RYR2: variants seen among roughly 807,000 people sequenced by gnomAD.
RYR2 encodes cardiac muscle ryanodine receptor-calcium release channel.
RYR2 carries 227 observed loss-of-function variants against 601.1 expected under a neutral mutation model. That is an observed-to-expected ratio of 0.38 (90% CI 0.34 to 0.42). The LOEUF (loss-of-function observed/expected upper bound fraction) is 0.42, where lower values mean the gene tolerates loss of function less well. Ranked by LOEUF, RYR2 falls within the 10% of genes least tolerant of loss-of-function variation. The pLI, the probability that RYR2 is intolerant of heterozygous loss-of-function variation, is 1.00. For synonymous variants in RYR2, 2,223 were observed against 2,175.1 expected, an observed-to-expected ratio of 1.02 and a Z score of -0.61; for missense variants, 4,646 against 6,156.5, an observed-to-expected ratio of 0.75 and a Z score of 8.21.
chr1:237,149,644 C>A (rs966096790), intron 1 of RYR2, among the ~76,000 whole-genome samples: 2 of 151,332 alleles, frequency 1.3e-5, no homozygotes, highest in Non-Finnish European at 2.9e-5. Flanking sequence ...GATGAAGTTT[C>A]CCTCCCACAC....
At chr1:237,580,138 G>A (rs1026261759) in intron 29 of RYR2, among the ~76,000 whole-genome samples, 6 of 146,934 alleles carry the variant, frequency 4.1e-5, no homozygotes, top group African/African-American at 1.5e-4. Context: ...CCAGAGCCAC[G>A]TGAAATCACA....
At chr1:237,469,223 C>A in intron 17 of RYR2, 36 bp downstream of exon 17, 2 of 750,260 alleles carry the variant, frequency 2.7e-6, no homozygotes, top group African/African-American at 1.9e-5. Flanking sequence ...TGTGATAGAT[C>A]ACTCCTATTT....
chr1:237,687,987 C>T (rs548849222), intron 63 of RYR2, among the ~76,000 whole-genome samples: 1 of 152,286 alleles, frequency 6.6e-6, no homozygotes, highest in East Asian at 1.9e-4. Context: ...CAAGGAGCTT[C>T]GGAGCTTCAC....
intron 25 of RYR2, among the ~76,000 whole-genome samples, chr1:237,540,205 G>A (rs1669104256): frequency 6.6e-6 from 1 of 151,782 alleles, no homozygotes; most frequent in Non-Finnish European, 1.5e-5. Context: ...ATACGCAACT[G>A]AAAAACAATC....
chr1:237,584,677 A>G lies in RYR2; in HGVS notation c.3599-5116A>G, dbSNP rs1238042626. 1.1e-3 allele frequency among the ~76,000 whole-genome samples: 7 copies of G among 6,216 alleles called. No homozygotes were observed. The East Asian group carries it at 0.027, about 24-fold the overall frequency. 4.1% of individuals were successfully genotyped at this position (6,216 alleles called of 152,430 possible). On this transcript the variant is annotated intron_variant, in intron 29 of 104. Coordinates refer to ENST00000366574, the MANE Select transcript of RYR2 (RefSeq NM_001035.3). ...TTTTTTTTTTTTTTTTTTTTTTGAGACAGGGTCTCGCCTTGCTCTGTCACC... is the reference window on the plus strand; with the variant it reads ...TTTTTTTTTTTTTTTTTTTTTTGAGGCAGGGTCTCGCCTTGCTCTGTCACC...
intron 24 of RYR2, among the ~76,000 whole-genome samples, chr1:237,523,748 A>C (rs927845141): frequency 6.8e-6 from 1 of 147,496 alleles, no homozygotes; most frequent in Non-Finnish European, 1.5e-5. Flanking sequence ...AAAAAAAAAA[A>C]GGCAAAAATT....
chr1:237,801,541 C>CA lies in RYR2; in HGVS notation c.14091-299dup, dbSNP rs113741938. ...TGGGTGAATGAGTGCAACTCTGTCTCAAAAAAAAAAAAAAAATGTTAATAC... is the reference window on the plus strand; with the variant it reads ...TGGGTGAATGAGTGCAACTCTGTCTCAAAAAAAAAAAAAAAAATGTTAATAC... On this transcript the variant is annotated intron_variant, in intron 97 of 104. Transcript: ENST00000366574. 8.3e-3 allele frequency among the ~76,000 whole-genome samples: 878 copies of CA among 106,356 alleles called. 11 individuals carry two copies. The highest frequency in any genetic ancestry group is 0.016 in the African/African-American group (450 of 28,408). The allele number at this position is 106,356 out of a possible 152,430, so 69.8% of individuals were successfully genotyped here.
intron 58 of RYR2, among the ~76,000 whole-genome samples, chr1:237,669,083 C>T (rs547961289): frequency 3.4e-5 from 5 of 148,852 alleles, no homozygotes; most frequent in South Asian, 2.2e-4. Context: ...TGACTCTTAA[C>T]GAGCATGCTG....
At chr1:237,260,908 A>G (rs1404401027) in intron 1 of RYR2, among the ~76,000 whole-genome samples, 2 of 152,208 alleles carry the variant, frequency 1.3e-5, no homozygotes, top group African/African-American at 4.8e-5. Flanking sequence ...CTAGCATGCA[A>G]ACTGAGGACT....
intron 5 of RYR2, among the ~76,000 whole-genome samples, chr1:237,369,033 A>G (rs1040901279): frequency 1.3e-5 from 2 of 151,964 alleles, no homozygotes; most frequent in Admixed American, 6.6e-5. Context: ...CATGTTGGCC[A>G]GGTTGGTCTC....
At chr1:237,241,083 A>C (rs901780111) in intron 1 of RYR2, among the ~76,000 whole-genome samples, 1 of 152,186 alleles carries the variant, frequency 6.6e-6, no homozygotes, top group Non-Finnish European at 1.5e-5. Flanking sequence ...AATCTCTTTA[A>C]TTAGAAATGC....
At chr1:237,586,110 GT>G (rs934813425) in intron 29 of RYR2, among the ~76,000 whole-genome samples, 8 of 151,800 alleles carry the variant, frequency 5.3e-5, no homozygotes, top group African/African-American at 1.7e-4. Flanking sequence ...TACTTTTTTG[GT>G]TTTTTTAAAA....
intron 1 of RYR2, chr1:237,267,655 T>C (rs1202745601): frequency 8.0e-6 from 2 of 248,916 alleles, no homozygotes; most frequent in East Asian, 3.1e-4. Flanking sequence ...ATTGAGAGCT[T>C]CTTAGAAATG....
intron 100 of RYR2, among the ~76,000 whole-genome samples, chr1:237,809,463 G>A (rs1242714774): frequency 1.3e-5 from 2 of 152,094 alleles, no homozygotes; most frequent in Non-Finnish European, 2.9e-5. Flanking sequence ...TTTATATTGA[G>A]TATCTTGGCT....
intron 1 of RYR2, among the ~76,000 whole-genome samples, chr1:237,092,414 C>G (rs145726885): frequency 1.3e-5 from 2 of 151,948 alleles, no homozygotes; most frequent in East Asian, 3.9e-4. Context: ...ACTGTCTGTG[C>G]TATTCTGCCA....
chr1:237,264,053 T>G (rs1688790311), intron 1 of RYR2, among the ~76,000 whole-genome samples: 1 of 151,380 alleles, frequency 6.6e-6, no homozygotes, highest in Non-Finnish European at 1.5e-5. Flanking sequence ...AAGCTAACTT[T>G]GCTCAGAATT....
intron 55 of RYR2, 68 bp downstream of exon 55, chr1:237,660,142 T>C (rs1399519121): frequency 2.3e-5 from 19 of 821,746 alleles, no homozygotes; most frequent in Non-Finnish European, 3.3e-5. Context: ...TTTTTGGTTA[T>C]ATTTTTTATA....
chr1:237,686,544 A>G (rs1458084576), intron 62 of RYR2, among the ~76,000 whole-genome samples: 3 of 152,180 alleles, frequency 2.0e-5, no homozygotes, highest in East Asian at 1.9e-4. Flanking sequence ...ATGGGAGGAT[A>G]GCATGGAAAT....
intron 14 of RYR2, among the ~76,000 whole-genome samples, chr1:237,446,519 G>A (rs1264408435): frequency 6.6e-6 from 1 of 150,820 alleles, no homozygotes. Flanking sequence ...GAATTTGAAA[G>A]GATTTTTGTA....
Sources: allele counts gnomAD v4.1 joint callset (sites outside exome capture counted in the v4.1 genomes callset), GRCh38; gene constraint gnomAD v4.1.1; transcripts MANE v1.5; gene names NCBI Gene and HGNC (gene_info 2026-07-23, HGNC 2026-07-21).